FSTL4: variants seen among roughly 807,000 people sequenced by gnomAD.
The protein encoded by FSTL4 is follistatin-related protein 4.
In FSTL4, 28 loss-of-function variants were observed where a neutral mutation model predicts 78.2. The observed-to-expected ratio is 0.36, with a 90% confidence interval of 0.27 to 0.49. The LOEUF (loss-of-function observed/expected upper bound fraction) is 0.49. FSTL4 is among the 20% of genes least tolerant of loss of function. FSTL4 has a pLI of 0.98. For missense variants in FSTL4, 922 were observed against 1,084.9 expected, an observed-to-expected ratio of 0.85 and a Z score of 2.11; for synonymous variants, 422 against 440.5, an observed-to-expected ratio of 0.96 and a Z score of 0.53.
At chr5:133,376,670 C>T (rs1164850436) in intron 4 of FSTL4, among the ~76,000 whole-genome samples, 1 of 152,104 alleles carries the variant, frequency 6.6e-6, no homozygotes, top group East Asian at 1.9e-4. Context: ...GGGTGGATCA[C>T]CTGAGGTCAG....
chr5:133,615,481 C>G (rs577677378), upstream of FSTL4, among the ~76,000 whole-genome samples: 25 of 152,254 alleles, frequency 1.6e-4, no homozygotes, highest in African/African-American at 6.0e-4. Flanking sequence ...AACTTGTTTT[C>G]TCTTAAGTGG....
chr5:133,467,054 A>G (rs1360441120), intron 3 of FSTL4, among the ~76,000 whole-genome samples: 1 of 151,190 alleles, frequency 6.6e-6, no homozygotes, highest in Non-Finnish European at 1.5e-5. Flanking sequence ...TTGTATGAGT[A>G]TATGTATGTA....
At chr5:133,707,805 T>C in the FSTL4 span, among the ~76,000 whole-genome samples, 1 of 151,992 alleles carries the variant, frequency 6.6e-6, no homozygotes, top group South Asian at 2.1e-4. Flanking sequence ...TCCAGTTGGG[T>C]TGCAGAGAGG....
At chr5:133,294,278 C>T (rs997822511) in intron 6 of FSTL4, among the ~76,000 whole-genome samples, 1 of 152,186 alleles carries the variant, frequency 6.6e-6, no homozygotes, top group Non-Finnish European at 1.5e-5. Context: ...TTGGAAGGTA[C>T]TCTGTGTGGT....
chr5:133,332,214 C>T (rs1221075430), intron 4 of FSTL4, among the ~76,000 whole-genome samples: 2 of 152,212 alleles, frequency 1.3e-5, no homozygotes, highest in Non-Finnish European at 2.9e-5. Context: ...TGCTCACTCC[C>T]TGAACACCGG....
At chr5:133,378,784 T>C (rs556588698) in intron 4 of FSTL4, among the ~76,000 whole-genome samples, 19 of 152,172 alleles carry the variant, frequency 1.2e-4, no homozygotes, top group African/African-American at 4.6e-4. Context: ...AGGAAAAGTA[T>C]CATTAAATGA....
intron 2 of FSTL4, among the ~76,000 whole-genome samples, chr5:133,579,332 TACTG>T (rs1426151279): frequency 3.9e-5 from 6 of 152,254 alleles, no homozygotes; most frequent in African/African-American, 1.4e-4. Context: ...TCACGGAACA[TACTG>T]ACTGTCACTG....
At chr5:133,561,777 T>C (rs764531543) in intron 3 of FSTL4, among the ~76,000 whole-genome samples, 3 of 152,306 alleles carry the variant, frequency 2.0e-5, no homozygotes, top group Non-Finnish European at 4.4e-5. Flanking sequence ...TTGAGTAACT[T>C]ACCTGAAGTC....
In FSTL4 at chr5:133,420,802, C is replaced by T. The variant is rs143849979; in HGVS notation, c.161-19816G>A. On this transcript the variant is annotated intron_variant, in intron 3 of 15. Transcript: ENST00000265342. The stretch of plus-strand genomic sequence containing the variant: ...GGCTGTAGAGTAATACAGGGTCCCA[C>T]ACTCAGAAGGGCCTTGAGCTTGGGG... Among the ~76,000 whole-genome samples the T allele has an allele frequency of 7.9e-4, 121 of 152,374 alleles. No individual in the cohort carries two copies. The Middle Eastern group carries it at 0.031, about 39-fold the overall frequency.
intron 2 of FSTL4, among the ~76,000 whole-genome samples, chr5:133,571,430 CAAG>C (rs1324761008): frequency 6.6e-6 from 1 of 152,110 alleles, no homozygotes; most frequent in Non-Finnish European, 1.5e-5. Flanking sequence ...GGCTAAAATC[CAAG>C]AAAACAGACC....
At chr5:133,385,183 C>CAGGCACTCAGCACTGTTTGTTG (rs1207369945) in intron 4 of FSTL4, among the ~76,000 whole-genome samples, 2 of 152,256 alleles carry the variant, frequency 1.3e-5, no homozygotes, top group Non-Finnish European at 2.9e-5. Context: ...TGGTACACAG[C>CAGGCACTCAGCACTGTTTGTTG]AGGCACTCAG....
upstream of FSTL4, among the ~76,000 whole-genome samples, chr5:133,615,684 T>C (rs1294546659): frequency 6.6e-6 from 1 of 152,238 alleles, no homozygotes; most frequent in Non-Finnish European, 1.5e-5. Flanking sequence ...GATAATTCAT[T>C]AATCACCTAG....
chr5:133,802,052 A>G, the FSTL4 span, among the ~76,000 whole-genome samples: 13 of 152,106 alleles, frequency 8.5e-5, no homozygotes, highest in Admixed American at 2.6e-4. Flanking sequence ...TAATCTGAAC[A>G]CCTGTGCCTC....
At chr5:133,832,193 T>C in the FSTL4 span, among the ~76,000 whole-genome samples, 1 of 152,214 alleles carries the variant, frequency 6.6e-6, no homozygotes, top group African/African-American at 2.4e-5. Context: ...TTGGGAAACA[T>C]TACTCCCAGA....
the FSTL4 span, among the ~76,000 whole-genome samples, chr5:133,768,579 T>A: frequency 6.6e-6 from 1 of 152,180 alleles, no homozygotes; most frequent in Non-Finnish European, 1.5e-5. Flanking sequence ...TGCAGAAAAC[T>A]GTCAGAACCA....
chr5:133,612,901 A>G (rs1449354989), upstream of FSTL4, among the ~76,000 whole-genome samples: 1 of 152,220 alleles, frequency 6.6e-6, no homozygotes, highest in Non-Finnish European at 1.5e-5. This position sits in a 1 kb window ranked among gnomAD's most constrained non-coding sequence, Gnocchi z 6.2. Flanking sequence ...CGTGGAGTCC[A>G]GGCGGGCCGG....
intron 4 of FSTL4, among the ~76,000 whole-genome samples, chr5:133,371,645 T>C (rs1269140745): frequency 3.3e-5 from 5 of 152,204 alleles, no homozygotes; most frequent in Admixed American, 3.3e-4. Context: ...TAAATATCAG[T>C]TGGCAGACAA....
At chr5:133,683,134 G>A in the FSTL4 span, among the ~76,000 whole-genome samples, 1 of 152,296 alleles carries the variant, frequency 6.6e-6, no homozygotes, top group African/African-American at 2.4e-5. Context: ...GGGTGTTGAA[G>A]CACAAGGTGC....
rs115514414 is a variant in FSTL4 at position 133,563,290 on chromosome 5, C to T, written c.160+3896G>A. Among the ~76,000 whole-genome samples, 578 of 152,322 alleles carry T rather than the reference C, an allele frequency of 3.8e-3. 3 individuals are homozygous for T. Among genetic ancestry groups the T allele is most frequent in the Non-Finnish European group, 7.1e-3 (480 of 68,024 alleles). On this transcript the variant is annotated intron_variant, in intron 3 of 15. Transcript: ENST00000265342. ...TGGAAACAAAGCACCCCCAGCAAGT[C>T]CCTCTCAGCTCTCTGGGCTTGGCAG...
Sources: gnomAD v4.1 joint callset for allele counts (sites outside exome capture counted in the v4.1 genomes callset) on GRCh38, gnomAD v4.1.1 for gene constraint, Gnocchi (gnomAD v3.1) non-coding constraint, MANE v1.5 for transcripts, NCBI Gene and HGNC (gene_info 2026-07-23, HGNC 2026-07-21) for gene names.